Variants in ALK observed in about 807,000 individuals in gnomAD.
ALK encodes ALK tyrosine kinase receptor.
In ALK, 74 loss-of-function variants were observed where a neutral mutation model predicts 163.1. The observed-to-expected ratio is 0.45, with a 90% CI of 0.38 to 0.55. The LOEUF is 0.55. ALK is among the 20% of genes least tolerant of loss of function. ALK has a pLI of 0.00. For synonymous variants in ALK, 960 were observed against 843.2 expected, an observed-to-expected ratio of 1.14 and a Z score of -2.40; for missense variants, 2,063 against 2,105.3, an observed-to-expected ratio of 0.98 and a Z score of 0.39.
rs79447156 is a variant in ALK, at chr2:29,263,266, T to C, written c.2041+11833A>G. The stretch of plus-strand genomic sequence containing the variant: ...TATGTGATTAGGACTTGCGGCCTCC[T>C]GTTGTAAGGTTCACTAGCATCTAAG... On this transcript the variant is annotated intron_variant, in intron 11 of 28. Transcript: ENST00000389048. Among the ~76,000 whole-genome samples, 975 of 152,330 alleles carry C rather than the reference T, an allele frequency of 6.4e-3. 10 individuals carry two copies. Among genetic ancestry groups the C allele is most frequent in the African/African-American group, 0.022 (919 of 41,584 alleles).
intron 4 of ALK, among the ~76,000 whole-genome samples, chr2:29,489,454 C>T (rs1350408687): frequency 6.6e-6 from 1 of 152,234 alleles, no homozygotes. Context: ...TGCACACCAC[C>T]TTGCCCAACT....
At chr2:29,417,102 C>T (rs1669900907) in intron 4 of ALK, among the ~76,000 whole-genome samples, 1 of 150,722 alleles carries the variant, frequency 6.6e-6, no homozygotes, top group African/African-American at 2.4e-5. Flanking sequence ...ATTCTCCTAC[C>T]TCAGCCTCCC....
intron 4 of ALK, among the ~76,000 whole-genome samples, chr2:29,432,864 T>A (rs182206477): frequency 1.3e-5 from 2 of 151,850 alleles, no homozygotes; most frequent in East Asian, 3.9e-4. Context: ...TGGGGGTGAG[T>A]AAGCACTAGA....
In ALK at chr2:29,793,064, A is replaced by G. The variant is rs549763862; in HGVS notation, c.668-75367T>C. ...AGTAAATCTTTCAAAATTGAAGTCA[A>G]TCGTCTCAAACCCTGCCACTGCTTT... On this transcript the variant is annotated intron_variant, in intron 1 of 28. Transcript: ENST00000389048. Among the ~76,000 whole-genome samples the G allele has an allele frequency of 5.3e-5, 8 of 152,294 alleles. No homozygotes were observed. The South Asian group carries it at 8.3e-4, about 16-fold the overall frequency.
intron 5 of ALK, among the ~76,000 whole-genome samples, chr2:29,347,854 A>G (rs1667996218): frequency 6.6e-6 from 1 of 152,218 alleles, no homozygotes; most frequent in Non-Finnish European, 1.5e-5. Flanking sequence ...AAACTTTAGC[A>G]TGCATCAAAG....
intron 3 of ALK, among the ~76,000 whole-genome samples, chr2:29,673,124 G>T (rs1677757331): frequency 6.9e-6 from 1 of 144,348 alleles, no homozygotes; most frequent in Non-Finnish European, 1.5e-5. Context: ...CCATTTTGTA[G>T]GTTGCCTGTT....
intron 1 of ALK, among the ~76,000 whole-genome samples, chr2:29,781,154 T>C (rs1681321047): frequency 6.6e-6 from 1 of 152,114 alleles, no homozygotes; most frequent in South Asian, 2.1e-4. Flanking sequence ...CACAAATATT[T>C]AAAAGACACC....
In ALK at chr2:29,474,167, GCAA is replaced by G. The variant is rs1480466789; in HGVS notation, c.1154+57745_1154+57747del. Among the ~76,000 whole-genome samples, 5 of 152,126 alleles carry G rather than the reference GCAA, an allele frequency of 3.3e-5. No homozygotes were observed. The East Asian group carries it at 5.8e-4, about 18-fold the overall frequency. The stretch of plus-strand genomic sequence containing the variant: ...GTATGTTTATACAATGAAATAGTCT[GCAA>G]CAACAACAAAATTGAATTACTGCTA... On this transcript the variant is annotated intron_variant, in intron 4 of 28. Transcript: ENST00000389048.
intron 8 of ALK, among the ~76,000 whole-genome samples, chr2:29,315,313 T>C (rs1204989328): frequency 6.6e-6 from 1 of 152,054 alleles, no homozygotes; most frequent in Non-Finnish European, 1.5e-5. Context: ...GGAAGTTAGA[T>C]TGGCACAAAG....
chr2:29,879,665 T>C (rs2148417494), intron 1 of ALK, among the ~76,000 whole-genome samples: 1 of 152,294 alleles, frequency 6.6e-6, no homozygotes, highest in Non-Finnish European at 1.5e-5. Context: ...ACTTATTCTA[T>C]CCTTTTCTCC....
At position 29,193,342 on chromosome 2, in the gene ALK, A is replaced by G. The variant is rs2148137261; in HGVS notation, c.4745T>C (p.Val1582Ala). 1 of 1,614,196 alleles carries G rather than the reference A, an allele frequency of 6.2e-7. No homozygotes were observed. The highest frequency in any genetic ancestry group is 1.1e-5 in the South Asian group (1 of 91,084). The change falls in exon 29 of 29, where the codon GTC (valine) becomes GCC (alanine). Residue 1582 changes from valine to alanine, a missense_variant. Val to Ala is a moderately conservative substitution (Grantham distance 64, BLOSUM62 0). Coordinates refer to ENST00000389048, the MANE Select transcript of ALK (RefSeq NM_004304.5). ...GCCCTGTTGCTGGTAGCCGTAATTGACATTCCCACAAGGGAAGTGACGTAG... is the reference window on the plus strand; with the variant it reads ...GCCCTGTTGCTGGTAGCCGTAATTGGCATTCCCACAAGGGAAGTGACGTAG... Reference protein sequence around the residue: ...FRLRHFPCGNVNYGYQQQGLP... With the variant: ...FRLRHFPCGNANYGYQQQGLP...
chr2:29,562,581 A>G (rs2148183877), intron 3 of ALK, among the ~76,000 whole-genome samples: 1 of 152,184 alleles, frequency 6.6e-6, no homozygotes, highest in East Asian at 1.9e-4. Flanking sequence ...ATGAACCACC[A>G]CACTGCATTG....
chr2:29,645,554 G>A (rs76602319), intron 3 of ALK, among the ~76,000 whole-genome samples: 2,148 of 152,124 alleles, frequency 0.014, 55 homozygotes, highest in African/African-American at 0.048. Flanking sequence ...GAGCTTTTTC[G>A]CTTTACAAAT....
At chr2:29,309,222 T>A (rs907332774) in intron 8 of ALK, among the ~76,000 whole-genome samples, 39 of 152,198 alleles carry the variant, frequency 2.6e-4, no homozygotes, top group Non-Finnish European at 7.4e-5. Flanking sequence ...TATTTTTCCC[T>A]GATAGCTGGA....
At chr2:29,345,992 T>TG (rs1667937854) in intron 5 of ALK, among the ~76,000 whole-genome samples, 1 of 152,240 alleles carries the variant, frequency 6.6e-6, no homozygotes, top group African/African-American at 2.4e-5. Flanking sequence ...ATGAATGCTT[T>TG]GAGCTCTCTT....
chr2:29,318,130 G>A (rs1324714776), intron 8 of ALK, among the ~76,000 whole-genome samples, 174 bp downstream of exon 8: 1 of 152,178 alleles, frequency 6.6e-6, no homozygotes, highest in Non-Finnish European at 1.5e-5. Flanking sequence ...TGTAGATAGG[G>A]CTTTACCATG....
intron 1 of ALK, among the ~76,000 whole-genome samples, chr2:29,886,078 C>G (rs569547351): frequency 3.4e-4 from 51 of 152,146 alleles, no homozygotes; most frequent in Non-Finnish European, 6.0e-4. Flanking sequence ...ATAATGAAGA[C>G]CTTTGTAATG....
chr2:29,906,426 A>T (rs1667550887), intron 1 of ALK, among the ~76,000 whole-genome samples: 1 of 152,186 alleles, frequency 6.6e-6, no homozygotes, highest in Admixed American at 6.5e-5. Context: ...TTTTTTAAAG[A>T]AAAGGGATAG....
intron 9 of ALK, 99 bp from the exon 10 acceptor site, chr2:29,275,595 T>A (rs528651814): frequency 1.6e-6 from 2 of 1,288,178 alleles, no homozygotes; most frequent in Non-Finnish European, 2.2e-6. Context: ...TGGCTCAGAA[T>A]GTGAGTTTGA....
Sources: allele counts gnomAD v4.1 joint callset (sites outside exome capture counted in the v4.1 genomes callset), GRCh38; gene constraint gnomAD v4.1.1; transcripts MANE v1.5; gene names NCBI Gene and HGNC (gene_info 2026-07-23, HGNC 2026-07-21).